The following SGCD variants were observed in gnomAD, a reference collection of about 807,000 sequenced individuals.
The protein encoded by SGCD is sarcoglycan delta, also known as delta-sarcoglycan.
Under a neutral mutation model 36.6 loss-of-function variants are expected in SGCD, and 18 were observed. That is an observed-to-expected ratio of 0.49 (90% confidence interval 0.34 to 0.73). The LOEUF (loss-of-function observed/expected upper bound fraction) is 0.73, where lower values mean the gene tolerates loss of function less well. Ranked by LOEUF, SGCD falls within the 30% of genes least tolerant of loss-of-function variation. The pLI, the probability that SGCD is intolerant of heterozygous loss-of-function variation, is 0.01. For synonymous variants in SGCD, 133 were observed against 130.6 expected (o/e 1.02, Z -0.12); for missense variants, 387 against 346.7 (o/e 1.12, Z -0.92).
At chr5:156,079,024 A>G (rs2127590974) in intron 1 of SGCD, among the ~76,000 whole-genome samples, 1 of 149,230 alleles carries the variant, frequency 6.7e-6, no homozygotes, top group South Asian at 2.1e-4. Context: ...TTTGTAAAAA[A>G]AAAAAAAAAA....
At chr5:156,580,229 C>G (rs74828612) in intron 4 of SGCD, among the ~76,000 whole-genome samples, 14 of 152,210 alleles carry the variant, frequency 9.2e-5, no homozygotes, top group Admixed American at 2.6e-4. Flanking sequence ...TTTAAGAATG[C>G]TGAATATTGT....
At chr5:156,619,746 G>A (rs1221267849) in intron 6 of SGCD, among the ~76,000 whole-genome samples, 2 of 152,172 alleles carry the variant, frequency 1.3e-5, no homozygotes. Context: ...ACAGAATAGG[G>A]AAGGAAATTA....
At chr5:156,747,695 G>C (rs140426544) in intron 7 of SGCD, among the ~76,000 whole-genome samples, 13 of 152,242 alleles carry the variant, frequency 8.5e-5, no homozygotes, top group Admixed American at 2.6e-4. Flanking sequence ...AAGCTCATAA[G>C]TGATATCCCA....
At position 156,067,603 on chromosome 5, in the gene SGCD, C is replaced by T. The variant is rs1266317762; in HGVS notation, c.-281-50275C>T. Among the ~76,000 whole-genome samples, 13 of 93,352 alleles carry T rather than the reference C, an allele frequency of 1.4e-4. 1 individual carries two copies. Among genetic ancestry groups the T allele is most frequent in the Non-Finnish European group, 1.8e-4 (10 of 54,806 alleles). 61.2% of individuals were successfully genotyped at this position (93,352 alleles called of 152,430 possible). A position where few individuals can be genotyped will look rare whatever the true frequency, so the allele number is the denominator to read the frequency against. ...CTAGCAATCAGCGAGATTCCGTGGGCGTAGGACCCTCCGAGCCAGGTGTGG... is the reference window on the plus strand; with the variant it reads ...CTAGCAATCAGCGAGATTCCGTGGGTGTAGGACCCTCCGAGCCAGGTGTGG... On this transcript the variant is annotated intron_variant, in intron 1 of 9. Transcript: ENST00000517913.
intron 4 of SGCD, among the ~76,000 whole-genome samples, chr5:156,540,030 C>A (rs903096665): frequency 3.9e-5 from 6 of 152,086 alleles, no homozygotes; most frequent in Non-Finnish European, 8.8e-5. Flanking sequence ...ATATGCCACA[C>A]CTTGAAAACA....
At chr5:155,933,280 C>T (rs1757132936) in intron 1 of SGCD, among the ~76,000 whole-genome samples, 1 of 152,152 alleles carries the variant, frequency 6.6e-6, no homozygotes, top group Non-Finnish European at 1.5e-5. Context: ...GTTTGCATAG[C>T]TCCTATTTTA....
chr5:156,035,469 G>A (rs188163280), intron 1 of SGCD, among the ~76,000 whole-genome samples: 23 of 152,162 alleles, frequency 1.5e-4, no homozygotes, highest in Non-Finnish European at 2.9e-4. Flanking sequence ...CATTAGCCAG[G>A]TATGGTGGCA....
At chr5:155,919,303 T>C (rs879159078) in intron 1 of SGCD, among the ~76,000 whole-genome samples, 5 of 152,222 alleles carry the variant, frequency 3.3e-5, no homozygotes, top group Admixed American at 3.3e-4. Context: ...CATGCACATC[T>C]GTTTTTCCAC....
Position 156,346,256 on chromosome 5 carries a change from A to G in SGCD, c.192+1579A>G, listed in dbSNP as rs1049528023. Among the ~76,000 whole-genome samples the G allele has an allele frequency of 7.4e-4, 112 of 152,256 alleles. 1 individual carries two copies. Among genetic ancestry groups the G allele is most frequent in the African/African-American group, 2.6e-3 (108 of 41,548 alleles). Reference sequence around the variant, plus strand: ...TGATGTTACAAATTTCTATCTTGAGAAAATAATTCAGTTCTTTCTAAAAAA... The same window carrying G: ...TGATGTTACAAATTTCTATCTTGAGGAAATAATTCAGTTCTTTCTAAAAAA... On this transcript the variant is annotated intron_variant, in intron 3 of 8. Coordinates refer to ENST00000337851, the MANE Select transcript of SGCD (RefSeq NM_000337.6).
intron 3 of SGCD, among the ~76,000 whole-genome samples, chr5:156,474,744 A>G (rs11954081): frequency 2.6e-5 from 4 of 152,238 alleles, no homozygotes; most frequent in African/African-American, 9.6e-5. Context: ...ATAACCCAGG[A>G]TATAAGGAAG....
intron 3 of SGCD, among the ~76,000 whole-genome samples, chr5:156,385,278 A>C (rs1187316462): frequency 6.6e-6 from 1 of 152,094 alleles, no homozygotes; most frequent in Non-Finnish European, 1.5e-5. Flanking sequence ...CCTAAATTTA[A>C]AGTCTAGATT....
chr5:156,596,607 C>T (rs1760935143), intron 6 of SGCD, among the ~76,000 whole-genome samples: 1 of 152,070 alleles, frequency 6.6e-6, no homozygotes, highest in African/African-American at 2.4e-5. Flanking sequence ...TCCATTACTC[C>T]TGTATTTTTT....
rs763067309 is a variant in SGCD at position 155,975,609 on chromosome 5, C to CTTTTT, written c.-282+105218_-282+105222dup. Among the ~76,000 whole-genome samples, 2 of 28,026 alleles carry CTTTTT rather than the reference C, an allele frequency of 7.1e-5. 1 individual carries two copies. The highest frequency in any genetic ancestry group is 2.6e-4 in the African/African-American group (2 of 7,622). The allele number at this position is 28,026 out of a possible 152,430, so 18.4% of individuals were successfully genotyped here. On this transcript the variant is annotated intron_variant, in intron 1 of 9. Coordinates refer to the SGCD transcript ENST00000517913. ...TGTGTTATTTATTTTTCTTTCTTTC[C>CTTTTT]TTTTTTTTTTTTTTTTTTTTTTTTT...
intron 1 of SGCD, among the ~76,000 whole-genome samples, chr5:155,969,612 C>A (rs1421279476): frequency 6.6e-6 from 1 of 152,070 alleles, no homozygotes; most frequent in East Asian, 1.9e-4. Flanking sequence ...GTCAGAGCAG[C>A]CTATGTCTGC....
intron 4 of SGCD, among the ~76,000 whole-genome samples, chr5:156,554,643 A>T (rs1260857058): frequency 6.7e-6 from 1 of 148,258 alleles, no homozygotes; most frequent in Non-Finnish European, 1.5e-5. Flanking sequence ...TATAATATAT[A>T]TTATATATAT....
chr5:155,753,151 C>A, the SGCD span, among the ~76,000 whole-genome samples: 1 of 151,718 alleles, frequency 6.6e-6, no homozygotes, highest in Non-Finnish European at 1.5e-5. Context: ...TCCTGTCCAA[C>A]ATGATGAAAC....
At chr5:156,133,884 T>C (rs1200458058) in intron 3 of SGCD, among the ~76,000 whole-genome samples, 1 of 151,200 alleles carries the variant, frequency 6.6e-6, no homozygotes, top group South Asian at 2.1e-4. Flanking sequence ...CAAAATCTTG[T>C]ACAGATTTAG....
At chr5:156,552,957 G>GA (rs930620422) in intron 4 of SGCD, among the ~76,000 whole-genome samples, 5 of 152,010 alleles carry the variant, frequency 3.3e-5, no homozygotes, top group African/African-American at 7.2e-5. Flanking sequence ...AATTTATGAA[G>GA]AAAAAAAGGC....
At chr5:156,076,011 T>G (rs1043230697) in intron 1 of SGCD, among the ~76,000 whole-genome samples, 9 of 152,106 alleles carry the variant, frequency 5.9e-5, no homozygotes, top group Non-Finnish European at 8.8e-5. Context: ...GTTTGTCCTT[T>G]TGATGTGAAA....
Sources: gnomAD v4.1 joint callset for allele counts (sites outside exome capture counted in the v4.1 genomes callset) on GRCh38, gnomAD v4.1.1 for gene constraint, MANE v1.5 for transcripts, NCBI Gene and HGNC (gene_info 2026-07-23, HGNC 2026-07-21) for gene names.